Variants in STK39 observed in about 807,000 individuals in gnomAD.
STK39 encodes serine/threonine kinase 39, also known as STE20/SPS1-related proline-alanine-rich protein kinase.
In STK39, 20 loss-of-function variants were observed where a neutral mutation model predicts 77.8. The ratio of observed to expected loss-of-function variants is 0.26; its 90% CI spans 0.18 to 0.37. The LOEUF (loss-of-function observed/expected upper bound fraction) is 0.37, where lower values mean the gene tolerates loss of function less well. Ranked by LOEUF, STK39 falls within the 10% of genes least tolerant of loss-of-function variation. STK39 has a pLI of 1.00. For missense variants in STK39, 479 were observed against 656.5 expected (o/e 0.73, Z 2.95); for synonymous variants, 246 against 234.1 (o/e 1.05, Z -0.47).
chr2:168,180,626 T>C (rs934703107), intron 2 of STK39, among the ~76,000 whole-genome samples: 13 of 152,114 alleles, frequency 8.5e-5, no homozygotes, highest in African/African-American at 2.9e-4. Flanking sequence ...GTTTATAAAA[T>C]GCGTTTTCCA....
At chr2:168,031,438 A>G (rs575645862) in intron 14 of STK39, among the ~76,000 whole-genome samples, 25 of 152,306 alleles carry the variant, frequency 1.6e-4, no homozygotes, top group Non-Finnish European at 2.2e-4. Context: ...GGCCCTGAGA[A>G]GTGGCCACCA....
chr2:168,241,096 G>A (rs1268054065), intron 1 of STK39, among the ~76,000 whole-genome samples: 3 of 152,208 alleles, frequency 2.0e-5, no homozygotes, highest in South Asian at 2.1e-4. Flanking sequence ...CGAGATAACC[G>A]AGTAGCCAGA....
chr2:168,178,168 G>A (rs1688999189), intron 2 of STK39, among the ~76,000 whole-genome samples: 1 of 152,198 alleles, frequency 6.6e-6, no homozygotes, highest in East Asian at 1.9e-4. Context: ...ACACCATGAT[G>A]GGCTTGACAA....
intron 14 of STK39, 95 bp downstream of exon 14, chr2:168,063,405 C>A (rs1279410666): frequency 8.9e-7 from 1 of 1,126,166 alleles, no homozygotes; most frequent in Non-Finnish European, 1.3e-6. Flanking sequence ...GCTAACGATT[C>A]TATTTTATGC....
intron 10 of STK39, among the ~76,000 whole-genome samples, chr2:168,098,266 C>T (rs6712819): frequency 0.41 from 61,826 of 152,052 alleles, 12,974 homozygotes; most frequent in East Asian, 0.53. Context: ...GAGAAGACAA[C>T]TGCAAGTGCC....
At chr2:168,032,543 T>G (rs954405651) in intron 14 of STK39, among the ~76,000 whole-genome samples, 1 of 152,250 alleles carries the variant, frequency 6.6e-6, no homozygotes, top group Admixed American at 6.5e-5. Flanking sequence ...GACAAGTTTT[T>G]AAGACTAGCT....
intron 14 of STK39, among the ~76,000 whole-genome samples, chr2:168,054,316 G>A (rs959575396): frequency 3.9e-5 from 6 of 152,132 alleles, no homozygotes; most frequent in South Asian, 2.1e-4. Flanking sequence ...TGAGCTTTAC[G>A]GTGTTAAACA....
intron 14 of STK39, among the ~76,000 whole-genome samples, chr2:168,018,670 C>A (rs1196851624): frequency 1.3e-5 from 2 of 151,890 alleles, no homozygotes; most frequent in Admixed American, 1.3e-4. Flanking sequence ...TCAGAGATGG[C>A]CTGAATACCC....
intron 8 of STK39, among the ~76,000 whole-genome samples, chr2:168,133,249 C>A (rs578065292): frequency 6.6e-6 from 1 of 152,174 alleles, no homozygotes; most frequent in Non-Finnish European, 1.5e-5. Context: ...CCATGGTAAC[C>A]AAAAATGTAA....
intron 16 of STK39, among the ~76,000 whole-genome samples, chr2:167,971,929 C>A (rs116502385): frequency 2.0e-5 from 3 of 152,210 alleles, no homozygotes; most frequent in Non-Finnish European, 4.4e-5. Flanking sequence ...CTGATGTCTG[C>A]GTTTTGTCTC....
At chr2:167,994,322 T>C (rs1683776333) in intron 16 of STK39, among the ~76,000 whole-genome samples, 1 of 152,118 alleles carries the variant, frequency 6.6e-6, no homozygotes, top group South Asian at 2.1e-4. Context: ...ACTCATGATG[T>C]AGTTACCAGT....
At chr2:168,033,149 G>A (rs1408795269) in intron 14 of STK39, among the ~76,000 whole-genome samples, 1 of 152,096 alleles carries the variant, frequency 6.6e-6, no homozygotes, top group Non-Finnish European at 1.5e-5. Context: ...CTTACCTGAT[G>A]CATGGCAGTA....
At chr2:168,020,601 C>T (rs1227493795) in intron 14 of STK39, among the ~76,000 whole-genome samples, 1 of 150,894 alleles carries the variant, frequency 6.6e-6, no homozygotes, top group Non-Finnish European at 1.5e-5. Flanking sequence ...TATGCATGTA[C>T]ACATAATATA....
At chr2:168,138,000 T>C (rs894527259) in intron 8 of STK39, 88 bp downstream of exon 8, 14 of 1,487,168 alleles carry the variant, frequency 9.4e-6, no homozygotes, top group African/African-American at 2.8e-5. Flanking sequence ...ACCTTTCCAG[T>C]GTCCTCACAA....
chr2:167,973,245 C>T (rs1692399911), intron 16 of STK39, among the ~76,000 whole-genome samples: 1 of 145,386 alleles, frequency 6.9e-6, no homozygotes, highest in African/African-American at 2.9e-5. Flanking sequence ...AAAATAAAGA[C>T]ATTTGGACTA....
intron 13 of STK39, 136 bp from the exon 14 acceptor site, chr2:168,063,706 T>C (rs1407690871): frequency 2.9e-6 from 2 of 683,352 alleles, no homozygotes; most frequent in African/African-American, 1.8e-5. Context: ...GCAGGCCTTC[T>C]TTGGCATCGT....
intron 14 of STK39, among the ~76,000 whole-genome samples, chr2:168,021,436 G>A (rs904486841): frequency 1.3e-5 from 2 of 152,032 alleles, no homozygotes; most frequent in Non-Finnish European, 2.9e-5. Flanking sequence ...ATGCCTAATT[G>A]GAGCGAACTA....
At chr2:167,996,661 T>C (rs1683848633) in intron 16 of STK39, among the ~76,000 whole-genome samples, 2 of 152,206 alleles carry the variant, frequency 1.3e-5, no homozygotes, top group African/African-American at 2.4e-5. Context: ...GTCTGGATTG[T>C]CTTCTTGAGG....
intron 16 of STK39, among the ~76,000 whole-genome samples, chr2:167,998,916 G>A (rs545009331): frequency 9.9e-5 from 15 of 152,282 alleles, no homozygotes; most frequent in South Asian, 4.1e-4. Context: ...CTAATGAAAC[G>A]CGTCTGAAGG....
Sources: gnomAD v4.1 joint callset for allele counts (sites outside exome capture counted in the v4.1 genomes callset) on GRCh38, gnomAD v4.1.1 for gene constraint, MANE v1.5 for transcripts, NCBI Gene and HGNC (gene_info 2026-07-23, HGNC 2026-07-21) for gene names.